The following DCHS2 variants were observed in gnomAD, a reference collection of about 807,000 sequenced individuals.
The protein encoded by DCHS2 is dachsous cadherin-related 2, also known as protocadherin-23.
A neutral mutation model predicts 182.4 loss-of-function variants in DCHS2; 142 were observed. That is an observed-to-expected ratio of 0.78 (90% CI 0.68 to 0.89). DCHS2 has a LOEUF of 0.89. DCHS2 is among the 40% of genes least tolerant of loss of function. The pLI is 0.00. For synonymous variants in DCHS2, 1,740 were observed against 1,663.3 expected (o/e 1.05, Z -1.12); for missense variants, 4,319 against 4,198.6 (o/e 1.03, Z -0.79).
chr4:154,349,583 A>T (rs1333484022), intron 3 of DCHS2, among the ~76,000 whole-genome samples: 3 of 152,212 alleles, frequency 2.0e-5, no homozygotes, highest in African/African-American at 7.2e-5. Flanking sequence ...AGGATTTGTG[A>T]CAATGGACAC....
chr4:154,332,609 A>C lies in DCHS2; in HGVS notation c.3599T>G (p.Val1200Gly). Residue 1200 changes from valine (V) to glycine (G), a missense_variant, in exon 5 of 20, where the codon GTC (valine) becomes GGC (glycine). Val to Gly is a moderately radical substitution (Grantham distance 109). Coordinates refer to ENST00000357232, the MANE Select transcript of DCHS2 (RefSeq NM_001358235.2). ...TFLHDVLFLK[V>G]EESPVPQGVI... ...CCCTTGGGGAACAGGGCTCTCTTCG[A>C]CTTTCAAAAACAACACATCATGCAA... is the stretch of plus-strand genomic sequence containing the variant. The C allele has an allele frequency of 6.2e-7, 1 of 1,614,222 alleles. No individual in the cohort carries two copies. Among genetic ancestry groups the C allele is most frequent in the Non-Finnish European group, 8.5e-7 (1 of 1,180,046 alleles).
In DCHS2 at chr4:154,377,307, G is replaced by A. The variant is rs746042219; in HGVS notation, c.2190C>T (p.Ile730=). The A allele has an allele frequency of 9.9e-6, 16 of 1,613,450 alleles. No individual in the cohort carries two copies. Among genetic ancestry groups the A allele is most frequent in the Non-Finnish European group, 1.4e-5 (16 of 1,179,702 alleles). The change falls in exon 2 of 20, where the codon ATC becomes ATT. Residue 730 remains isoleucine, a synonymous_variant. Coordinates refer to ENST00000357232, the MANE Select transcript of DCHS2 (RefSeq NM_001358235.2). ...HDGQICVSQD[I]DRERDPATYD... is the part of the protein sequence containing the mutation. ...AGGTAGCTGGATCCCTTTCCCTGTC[G>A]ATATCTTGAGAAACACAGATTTGCC...
In DCHS2 at chr4:154,327,655, C is replaced by A. The variant is rs574245134; in HGVS notation, c.4018+438G>T. On this transcript the variant is annotated intron_variant, in intron 7 of 19. Transcript: ENST00000357232. ...TCAATAAAATTTCCCCATACACACA[C>A]GCATGTATACATGTGACATTTTCTA... is the stretch of plus-strand genomic sequence containing the variant. 9.2e-5 allele frequency among the ~76,000 whole-genome samples: 14 copies of A among 152,222 alleles called. No homozygotes were observed. In the East Asian group the frequency reaches 2.7e-3, roughly 29 times the overall value.
chr4:154,384,422 A>T, intron 1 of DCHS2: 1 of 1,612,584 alleles, frequency 6.2e-7, no homozygotes, highest in East Asian at 2.2e-5. Context: ...ACACTATAGC[A>T]CCCCAGAGCT....
At chr4:154,409,838 A>G (rs778544228) in intron 1 of DCHS2, among the ~76,000 whole-genome samples, 4 of 152,046 alleles carry the variant, frequency 2.6e-5, no homozygotes, top group Admixed American at 1.3e-4. Flanking sequence ...GACCCTAACA[A>G]CCTATGCTCT....
At chr4:154,360,010 GC>G (rs1171296305) in intron 3 of DCHS2, among the ~76,000 whole-genome samples, 2 of 151,774 alleles carry the variant, frequency 1.3e-5, no homozygotes, top group Non-Finnish European at 2.9e-5. Context: ...TATGAAACAA[GC>G]CTTGAAATGG....
Position 154,489,642 on chromosome 4 carries a change from C to G in DCHS2, c.1714G>C (p.Asp572His). The change falls in exon 1 of 20, where the codon GAT (aspartate) becomes CAT (histidine). Residue 572 changes from aspartate (D) to histidine (H), a missense_variant. Coordinates refer to ENST00000357232, the MANE Select transcript of DCHS2 (RefSeq NM_001358235.2). ...SASDADEAGS[D>H]HAWLRYTVVQ... is the part of the protein sequence containing the mutation. Reference sequence around the variant, plus strand: ...ACAGTGTAGCGCAGCCAGGCGTGATCACTGCCTGCCTCGTCGGCATCGGAG... The same window carrying G: ...ACAGTGTAGCGCAGCCAGGCGTGATGACTGCCTGCCTCGTCGGCATCGGAG... The G allele has an allele frequency of 1.3e-6, 2 of 1,551,648 alleles. No homozygotes were observed. The highest frequency in any genetic ancestry group is 1.7e-6 in the Non-Finnish European group (2 of 1,146,944).
At chr4:154,402,158 A>G (rs964668166) in intron 1 of DCHS2, among the ~76,000 whole-genome samples, 3 of 152,216 alleles carry the variant, frequency 2.0e-5, no homozygotes, top group South Asian at 2.1e-4. Context: ...CTTTCTTTTT[A>G]CCACTAAATT....
chr4:154,235,529 T>G lies in DCHS2; in HGVS notation c.9123A>C (p.Arg3041Ser). 6.2e-7 allele frequency: 1 copy of G among 1,614,116 alleles called. No individual in the cohort carries two copies. ...TGAGCACACTGGCATCCCGGGTCAC[T>G]CTCAAGTCCGCATCTAAAGATGAGG... ...KKTSSLDADL[R>S]VTRDASVLKA... The change falls in exon 20 of 20, where the codon AGA becomes AGC. Residue 3041 changes from arginine to serine, a missense_variant. By Grantham distance (110) the Arg-to-Ser change is moderately radical (BLOSUM62 -1). Coordinates refer to ENST00000357232, the MANE Select transcript of DCHS2 (RefSeq NM_001358235.2).
intron 7 of DCHS2, 160 bp from the exon 8 acceptor site, chr4:154,322,648 C>A (rs750151802): frequency 6.8e-5 from 72 of 1,052,808 alleles, no homozygotes; most frequent in Non-Finnish European, 8.7e-5. Context: ...AGAAACATCA[C>A]TTTTTAAAAA....
intron 1 of DCHS2, among the ~76,000 whole-genome samples, chr4:154,459,250 G>C (rs1734904882): frequency 6.6e-6 from 1 of 152,102 alleles, no homozygotes; most frequent in African/African-American, 2.4e-5. Flanking sequence ...TGAAGGTAGA[G>C]TGTATTTGAG....
chr4:154,369,254 A>G (rs145038081), intron 2 of DCHS2, among the ~76,000 whole-genome samples: 84 of 152,286 alleles, frequency 5.5e-4, no homozygotes, highest in African/African-American at 1.5e-3. Context: ...AAGGGGGGAA[A>G]ATGCTGAATT....
At position 154,233,093 on chromosome 4, in the gene DCHS2, T is replaced by C. The variant is rs1394072058; in HGVS notation, c.*1443A>G. ...ATGGAAGAAGAACACAAAGGAACTA[T>C]ATCTGTAGTAGAAGCCCATCCTAAC... On this transcript the variant is annotated 3_prime_UTR_variant, in exon 20 of 20. Transcript: ENST00000357232. 1.3e-5 allele frequency: 2 copies of C among 152,186 alleles called. No individual in the cohort carries two copies. Among genetic ancestry groups the C allele is most frequent in the Admixed American group, 6.5e-5 (1 of 15,268 alleles). 9.4% of individuals were successfully genotyped at this position (152,186 alleles called of 1,614,324 possible). A position where few individuals can be genotyped will look rare whatever the true frequency, so the allele number is the denominator to read the frequency against.
intron 3 of DCHS2, among the ~76,000 whole-genome samples, chr4:154,347,520 A>G (rs1338542545): frequency 6.6e-6 from 1 of 151,768 alleles, no homozygotes; most frequent in Non-Finnish European, 1.5e-5. Context: ...ATAAAATTAC[A>G]TCGTATATAT....
In DCHS2 at chr4:154,300,833, G is replaced by A. The variant is rs907153735; in HGVS notation, c.5606-2125C>T. ...AGTGAACACATTGCAAAGATATTAA[G>A]GAGAAAAAATAAGTTATGGAGAAAG... is the stretch of plus-strand genomic sequence containing the variant. On this transcript the variant is annotated intron_variant, in intron 12 of 19. Coordinates refer to ENST00000357232, the MANE Select transcript of DCHS2 (RefSeq NM_001358235.2). Among the ~76,000 whole-genome samples, 45 of 152,284 alleles carry A rather than the reference G, an allele frequency of 3.0e-4. 1 individual carries two copies. Among genetic ancestry groups the A allele is most frequent in the African/African-American group, 9.4e-4 (39 of 41,552 alleles).
intron 1 of DCHS2, among the ~76,000 whole-genome samples, chr4:154,382,790 C>T (rs980682699): frequency 6.6e-6 from 1 of 152,034 alleles, no homozygotes; most frequent in African/African-American, 2.4e-5. Flanking sequence ...ATCAATACCA[C>T]AATGAGATGT....
chr4:154,254,141 A>G (rs1446796517), intron 16 of DCHS2, among the ~76,000 whole-genome samples: 8 of 152,222 alleles, frequency 5.3e-5, no homozygotes, highest in African/African-American at 7.2e-5. Flanking sequence ...GATTAAATAG[A>G]ATACAGTATG....
At chr4:154,293,901 T>A (rs1268088909) in intron 13 of DCHS2, among the ~76,000 whole-genome samples, 4 of 152,212 alleles carry the variant, frequency 2.6e-5, no homozygotes, top group African/African-American at 9.6e-5. Flanking sequence ...GCCCCAAGCT[T>A]TGTGCATGAC....
In DCHS2 at chr4:154,234,931, C is replaced by T. The variant is rs375321525; in HGVS notation, c.9721G>A (p.Glu3241Lys). The T allele has an allele frequency of 1.2e-6, 2 of 1,613,936 alleles. No individual in the cohort carries two copies. The highest frequency in any genetic ancestry group is 1.7e-6 in the Non-Finnish European group (2 of 1,179,918). The change falls in exon 20 of 20, where the codon GAG (glutamate) becomes AAG (lysine). Residue 3241 changes from glutamate (E) to lysine (K), a missense_variant. Physicochemically the swap from Glu to Lys is moderately conservative, Grantham distance 56. Coordinates refer to ENST00000357232, the MANE Select transcript of DCHS2 (RefSeq NM_001358235.2). The part of the protein sequence containing the change: ...NYHWNYLLSW[E>K]PKFQPLASVF... The stretch of plus-strand genomic sequence containing the variant: ...GAGGCAAGAGGTTGGAATTTGGGCT[C>T]CCAACTAAGAAGATAATTCCAGTGA...
Sources: allele counts gnomAD v4.1 joint callset (sites outside exome capture counted in the v4.1 genomes callset), GRCh38; gene constraint gnomAD v4.1.1; transcripts MANE v1.5; gene names NCBI Gene and HGNC (gene_info 2026-07-23, HGNC 2026-07-21).